The following PKN2 variants were observed in gnomAD, a reference collection of about 807,000 sequenced individuals.
PKN2 encodes the protein protein kinase N2.
Under a neutral mutation model 119.1 loss-of-function variants are expected in PKN2, and 38 were observed. The observed-to-expected ratio is 0.32, with a 90% CI of 0.25 to 0.42. The LOEUF (loss-of-function observed/expected upper bound fraction) is 0.42, where lower values mean the gene tolerates loss of function less well. PKN2 is among the 10% of genes least tolerant of loss of function. The probability of loss-of-function intolerance (pLI) is 1.00; values close to 1 mark genes in which losing one functional copy is unlikely to be tolerated. For missense variants in PKN2, 850 were observed against 1,165.1 expected (o/e 0.73, Z 3.94); for synonymous variants, 390 against 384.9 (o/e 1.01, Z -0.15).
intron 1 of PKN2, among the ~76,000 whole-genome samples, chr1:88,725,751 G>T (rs1458670447): frequency 6.6e-6 from 1 of 151,954 alleles, no homozygotes; most frequent in African/African-American, 2.4e-5. Flanking sequence ...TTTTTTGTTT[G>T]TTTGCTTATT....
intron 1 of PKN2, 41 bp from the exon 2 acceptor site, chr1:88,740,945 ACT>A: frequency 7.4e-7 from 1 of 1,348,120 alleles, no homozygotes; most frequent in South Asian, 1.5e-5. Context: ...TGAGCAGCCA[ACT>A]CTCCTAAACT....
At chr1:88,782,400 T>C (rs753141181) in intron 6 of PKN2, among the ~76,000 whole-genome samples, 7 of 151,978 alleles carry the variant, frequency 4.6e-5, no homozygotes, top group African/African-American at 7.2e-5. Flanking sequence ...TTCTAATACA[T>C]TTTGTGTCTC....
intron 1 of PKN2, among the ~76,000 whole-genome samples, chr1:88,699,224 C>G (rs921306419): frequency 6.6e-6 from 1 of 152,186 alleles, no homozygotes; most frequent in African/African-American, 2.4e-5. Context: ...TTTCCTATTT[C>G]TTTAAATTTT....
intron 1 of PKN2, among the ~76,000 whole-genome samples, chr1:88,727,616 T>TG (rs1667952245): frequency 6.6e-6 from 1 of 152,250 alleles, no homozygotes; most frequent in African/African-American, 2.4e-5. Context: ...TCCCTTTTCT[T>TG]GACCTGTGGG....
At chr1:88,824,038 A>T (rs1011731054) in intron 17 of PKN2, among the ~76,000 whole-genome samples, 15 of 151,702 alleles carry the variant, frequency 9.9e-5, no homozygotes, top group Admixed American at 9.2e-4. Flanking sequence ...ATTAAATTAG[A>T]TTATCACAAA....
At chr1:88,711,145 G>A (rs972861603) in intron 1 of PKN2, among the ~76,000 whole-genome samples, 3 of 152,152 alleles carry the variant, frequency 2.0e-5, no homozygotes, top group African/African-American at 7.2e-5. Context: ...CTTTTGGAGG[G>A]TGGGGAGTGA....
chr1:88,709,147 G>A lies in PKN2; in HGVS notation c.48+24519G>A, dbSNP rs564420374. On this transcript the variant is annotated intron_variant, in intron 1 of 21. Transcript: ENST00000370521. ...TGGCTCACTGCAACCTCCGCTTCCC[G>A]GGTACAAGTGATTCTCCTGCCTCAG... Among the ~76,000 whole-genome samples, 822 of 151,756 alleles carry A rather than the reference G, an allele frequency of 5.4e-3. 11 individuals carry two copies. The highest frequency in any genetic ancestry group is 0.019 in the African/African-American group (775 of 41,358).
chr1:88,828,717 T>A lies in PKN2; in HGVS notation c.2562+94T>A, dbSNP rs142054378. 8.1e-4 allele frequency: 822 copies of A among 1,016,762 alleles called. 6 individuals carry two copies. In the African/African-American group the frequency reaches 0.012, roughly 15 times the overall value. The allele number at this position is 1,016,762 out of a possible 1,614,324, so 63.0% of individuals were successfully genotyped here. A position where few individuals can be genotyped will look rare whatever the true frequency, so the allele number is the denominator to read the frequency against. On this transcript the variant is annotated intron_variant, in intron 19 of 21. Transcript: ENST00000370521. ...AAACCACCTAATACTGTCTTCAGTA[T>A]GAGTGGAATTTAAGTTTTATAAATA...
At chr1:88,781,833 TAAC>T (rs1194618820) in intron 6 of PKN2, among the ~76,000 whole-genome samples, 2 of 152,104 alleles carry the variant, frequency 1.3e-5, no homozygotes, top group South Asian at 2.1e-4. Flanking sequence ...TTTGCCAGTT[TAAC>T]AACAACAAAA....
chr1:88,722,808 A>G (rs1667736486), intron 1 of PKN2, among the ~76,000 whole-genome samples: 1 of 151,830 alleles, frequency 6.6e-6, no homozygotes, highest in African/African-American at 2.4e-5. Flanking sequence ...AAAAGAAACG[A>G]AAAAAATTAT....
intron 1 of PKN2, chr1:88,685,028 G>A (rs1666028721): frequency 5.3e-6 from 1 of 189,616 alleles, no homozygotes; most frequent in Non-Finnish European, 1.1e-5. Flanking sequence ...CCTTTCCTCC[G>A]TACACCGCTC....
At chr1:88,772,993 A>G (rs1207545093) in intron 6 of PKN2, among the ~76,000 whole-genome samples, 1 of 152,084 alleles carries the variant, frequency 6.6e-6, no homozygotes, top group Non-Finnish European at 1.5e-5. Context: ...TGCTAGGTTC[A>G]TGTATGTTTA....
intron 18 of PKN2, among the ~76,000 whole-genome samples, chr1:88,826,034 T>C (rs78078934): frequency 6.6e-6 from 1 of 152,204 alleles, no homozygotes; most frequent in African/African-American, 2.4e-5. Flanking sequence ...TACCAGAGAT[T>C]CCCTTTTACT....
At chr1:88,752,665 TTC>T (rs1557588134) in intron 2 of PKN2, among the ~76,000 whole-genome samples, 1 of 152,174 alleles carries the variant, frequency 6.6e-6, no homozygotes, top group East Asian at 1.9e-4. Flanking sequence ...CCTGTAATCT[TTC>T]TGTCTTGAAG....
chr1:88,783,385 G>A (rs1299210573), intron 6 of PKN2, among the ~76,000 whole-genome samples: 1 of 152,306 alleles, frequency 6.6e-6, no homozygotes, highest in East Asian at 1.9e-4. Flanking sequence ...AAGACAGTAA[G>A]CTGGAGCAAT....
In PKN2 at chr1:88,741,166, A is replaced by G; in HGVS notation, c.227A>G (p.Lys76Arg). Residue 76 changes from lysine (K) to arginine (R), a missense_variant, in exon 2 of 22, where the codon AAA becomes AGA. By Grantham distance (26) the Lys-to-Arg change is conservative. Around this residue, in one of 9 missense-constraint regions of PKN2, gnomAD observed 350 missense variants for 511.1 expected, o/e 0.68. Transcript: ENST00000370521. The stretch of plus-strand genomic sequence containing the variant: ...AATCTGAGGAAAGTCACAACAGATA[A>G]AAAAAGTTTGGCTTATGTAGACAAC... Reference protein sequence around the residue: ...AENLRKVTTDKKSLAYVDNIL... With the variant: ...AENLRKVTTDRKSLAYVDNIL... The G allele has an allele frequency of 6.2e-7, 1 of 1,611,848 alleles. No individual in the cohort carries two copies. Among genetic ancestry groups the G allele is most frequent in the African/African-American group, 1.3e-5 (1 of 74,894 alleles).
Position 88,804,416 on chromosome 1 carries a change from A to T in PKN2, c.1307A>T (p.Tyr436Phe), listed in dbSNP as rs1443383929. 1.2e-6 allele frequency: 2 copies of T among 1,612,350 alleles called. No homozygotes were observed. Among genetic ancestry groups the T allele is most frequent in the African/African-American group, 2.7e-5 (2 of 74,780 alleles). ...TCACGTGAACTGGAAATTTCAGTTT[A>T]TTGGCGTGATTGGCGGTCTCTGTGT... is the stretch of plus-strand genomic sequence containing the variant. The part of the protein sequence containing the change: ...DRSRELEISV[Y>F]WRDWRSLCAV... Residue 436 changes from tyrosine (Y) to phenylalanine (F), a missense_variant, in exon 9 of 22, where the codon TAT becomes TTT. By Grantham distance (22) the Tyr-to-Phe change is conservative. Transcript: ENST00000370521.
intron 6 of PKN2, among the ~76,000 whole-genome samples, chr1:88,774,177 G>C (rs1669998763): frequency 6.6e-6 from 1 of 152,158 alleles, no homozygotes; most frequent in African/African-American, 2.4e-5. Flanking sequence ...TGTGTCCTTA[G>C]GATATATCAC....
chr1:88,819,399 AAAC>A (rs1428088542), intron 16 of PKN2, among the ~76,000 whole-genome samples: 4 of 152,162 alleles, frequency 2.6e-5, no homozygotes, highest in Non-Finnish European at 5.9e-5. Context: ...TTTATCCAAA[AAAC>A]ATATGAAAAA....
Sources: gnomAD v4.1 joint callset for allele counts (sites outside exome capture counted in the v4.1 genomes callset) on GRCh38, gnomAD v4.1.1 for gene constraint, gnomAD v4.1.1 regional missense constraint, MANE v1.5 for transcripts, NCBI Gene and HGNC (gene_info 2026-07-23, HGNC 2026-07-21) for gene names.